The following NSD1 variants were observed in gnomAD, a reference collection of about 807,000 sequenced individuals.
NSD1 encodes nuclear receptor binding SET domain protein 1.
In NSD1, 26 loss-of-function variants were observed where a neutral mutation model predicts 242.7. That is an observed-to-expected ratio of 0.11 (90% CI 0.08 to 0.15). The LOEUF is 0.15. Among genes scored for constraint, NSD1 ranks in the 10% least tolerant of loss-of-function variants. The pLI, the probability that NSD1 is intolerant of heterozygous loss-of-function variation, is 1.00. For synonymous variants in NSD1, 1,106 were observed against 1,178.1 expected, an observed-to-expected ratio of 0.94 and a Z score of 1.25; for missense variants, 2,495 against 3,272.8, an observed-to-expected ratio of 0.76 and a Z score of 5.80.
intron 5 of NSD1, among the ~76,000 whole-genome samples, chr5:177,213,018 G>GC (rs1440308887): frequency 1.3e-5 from 2 of 152,110 alleles, no homozygotes; most frequent in African/African-American, 4.8e-5. Flanking sequence ...TGAAAAAACT[G>GC]CAAGTATTCT....
At chr5:177,258,728 G>T (rs1436814781) in intron 13 of NSD1, among the ~76,000 whole-genome samples, 1 of 151,956 alleles carries the variant, frequency 6.6e-6, no homozygotes, top group African/African-American at 2.4e-5. Context: ...TAGAGACAGG[G>T]TTTCATCATA....
chr5:177,287,116 G>A (rs959762090), intron 20 of NSD1, among the ~76,000 whole-genome samples: 3 of 152,162 alleles, frequency 2.0e-5, no homozygotes, highest in Non-Finnish European at 4.4e-5. Flanking sequence ...AATGATTGCT[G>A]CATATTGAAC....
chr5:177,211,994 G>T lies in NSD1; in HGVS notation c.3595G>T (p.Gly1199Trp). ...VLLPSDPVQE[G>W]RDEFPEHRTP... ...ACTTCCTAGTGACCCTGTGCAGGAG[G>T]GGCGGGATGAGTTTCCAGAGCATAG... The change falls in exon 5 of 23, where the codon GGG (glycine) becomes TGG (tryptophan). Residue 1199 changes from glycine to tryptophan, a missense_variant. Transcript: ENST00000439151. 1 of 1,613,614 alleles carries T rather than the reference G, an allele frequency of 6.2e-7. No individual in the cohort carries two copies. The highest frequency in any genetic ancestry group is 1.1e-5 in the South Asian group (1 of 91,074).
At chr5:177,148,177 GC>G (rs905312291) in intron 2 of NSD1, among the ~76,000 whole-genome samples, 1 of 151,550 alleles carries the variant, frequency 6.6e-6, no homozygotes, top group Non-Finnish European at 1.5e-5. Context: ...GAGTGCAATT[GC>G]GCGATCTTGG....
intron 17 of NSD1, among the ~76,000 whole-genome samples, chr5:177,278,508 G>T (rs1205189262): frequency 6.6e-6 from 1 of 152,168 alleles, no homozygotes; most frequent in Non-Finnish European, 1.5e-5. Context: ...ATAATAAAAT[G>T]CAAGAAATGA....
intron 5 of NSD1, among the ~76,000 whole-genome samples, chr5:177,212,864 A>C (rs1763469181): frequency 6.6e-6 from 1 of 152,042 alleles, no homozygotes; most frequent in South Asian, 2.1e-4. Flanking sequence ...CTGGTCTTGA[A>C]CTGAACTCAA....
Position 177,295,866 on chromosome 5 carries a change from G to A in NSD1, c.*407G>A, listed in dbSNP as rs140990285. ...ATTGAGGGCACCTAGGAACCCTTGGGAGGAAATGGTGTTCTTTCAAATCAG... is the reference window on the plus strand; with the variant it reads ...ATTGAGGGCACCTAGGAACCCTTGGAAGGAAATGGTGTTCTTTCAAATCAG... On this transcript the variant is annotated 3_prime_UTR_variant, in exon 23 of 23. Transcript: ENST00000439151. The surrounding 1 kb of genome is among the most constrained non-coding windows in gnomAD (Gnocchi z 4.3). The A allele has an allele frequency of 0.018, 7,129 of 388,968 alleles. 83 individuals are homozygous for A. The highest frequency in any genetic ancestry group is 0.024 in the Non-Finnish European group (5,092 of 209,186). 24.1% of individuals were successfully genotyped at this position (388,968 alleles called of 1,614,324 possible).
intron 21 of NSD1, among the ~76,000 whole-genome samples, chr5:177,289,796 C>G (rs1235969784): frequency 6.6e-6 from 1 of 150,622 alleles, no homozygotes; most frequent in Non-Finnish European, 1.5e-5. Context: ...ATTTCCATGT[C>G]TATATTCTCC....
rs1452820219 is a variant in NSD1, at chr5:177,269,137, T to G, written c.5304-465T>G. Among the ~76,000 whole-genome samples, 1 of 152,164 alleles carries G rather than the reference T, an allele frequency of 6.6e-6. No individual in the cohort carries two copies. Among genetic ancestry groups the G allele is most frequent in the African/African-American group, 2.4e-5 (1 of 41,426 alleles). ...TGATTTTGTTTGTATGTGTTTGTGT[T>G]TTGATTTCTTGGTGCTGTTCTCCCA... is the stretch of plus-strand genomic sequence containing the variant. On this transcript the variant is annotated intron_variant, in intron 15 of 22. Coordinates refer to ENST00000439151, the MANE Select transcript of NSD1 (RefSeq NM_022455.5). The surrounding 1 kb of genome is among the most constrained non-coding windows in gnomAD (Gnocchi z 5.1).
intron 17 of NSD1, among the ~76,000 whole-genome samples, chr5:177,278,910 A>C (rs1454483027): frequency 2.0e-5 from 3 of 152,214 alleles, no homozygotes; most frequent in African/African-American, 4.8e-5. Flanking sequence ...TGTTGCTAGT[A>C]TTTGTTAAAA....
chr5:177,233,781 A>G (rs1000459719), intron 5 of NSD1, among the ~76,000 whole-genome samples: 1 of 151,984 alleles, frequency 6.6e-6, no homozygotes, highest in Admixed American at 6.6e-5. Flanking sequence ...CCTCCTTGAA[A>G]ACTCTTCGGC....
chr5:177,262,345 T>C (rs1757059553), intron 14 of NSD1, among the ~76,000 whole-genome samples: 1 of 132,112 alleles, frequency 7.6e-6, no homozygotes, highest in African/African-American at 3.0e-5. Flanking sequence ...TGCATGCCTG[T>C]AGTCCCAGCT....
chr5:177,239,717 G>T (rs778395387), intron 7 of NSD1, 39 bp from the exon 8 acceptor site: 43 of 1,249,518 alleles, frequency 3.4e-5, no homozygotes, highest in Middle Eastern at 1.9e-4. Flanking sequence ...CTTGTGCCCA[G>T]TTTCTAAATC....
In NSD1 at chr5:177,248,172, C is replaced by T. The variant is rs1562255243; in HGVS notation, c.4498-9C>T. ...ATACAGATGTGGGACATTATTTTTTCTTTGCAAGGGAGAACTAATGCCTCA... is the reference window on the plus strand; with the variant it reads ...ATACAGATGTGGGACATTATTTTTTTTTTGCAAGGGAGAACTAATGCCTCA... On this transcript the variant is annotated splice_polypyrimidine_tract_variant and intron_variant, in intron 10 of 22. Coordinates refer to ENST00000439151, the MANE Select transcript of NSD1 (RefSeq NM_022455.5). 3.7e-6 allele frequency: 6 copies of T among 1,613,724 alleles called. No individual in the cohort carries two copies. In the Admixed American group the frequency reaches 8.3e-5, roughly 22 times the overall value.
At chr5:177,272,243 A>G (rs1758004971) in intron 16 of NSD1, among the ~76,000 whole-genome samples, 1 of 152,034 alleles carries the variant, frequency 6.6e-6, no homozygotes, top group African/African-American at 2.4e-5. Flanking sequence ...TTAAGGAGGT[A>G]GACTAGGACA....
At chr5:177,154,836 C>T (rs1757991347) in intron 2 of NSD1, among the ~76,000 whole-genome samples, 3 of 151,792 alleles carry the variant, frequency 2.0e-5, no homozygotes, top group Non-Finnish European at 4.4e-5. Context: ...GCTGGGATTA[C>T]AGTCGCCTGC....
intron 17 of NSD1, among the ~76,000 whole-genome samples, chr5:177,279,798 G>T (rs28403207): frequency 0.86 from 129,216 of 149,510 alleles, 56,325 homozygotes; most frequent in African/African-American, 0.92. Flanking sequence ...TTTGTATTTT[G>T]AGTAGAGACG....
At chr5:177,283,018 A>G (rs951191691) in intron 19 of NSD1, among the ~76,000 whole-genome samples, 3 of 152,134 alleles carry the variant, frequency 2.0e-5, no homozygotes, top group Non-Finnish European at 2.9e-5. Flanking sequence ...CAGTGGCATG[A>G]TCTCGGCTTG....
chr5:177,210,964 A>G lies in NSD1; in HGVS notation c.2565A>G (p.Ala855=), dbSNP rs759987384. 8.7e-6 allele frequency: 14 copies of G among 1,614,086 alleles called. No individual in the cohort carries two copies. The South Asian group carries it at 1.3e-4, about 15-fold the overall frequency. Residue 855 remains alanine (A), a synonymous_variant, in exon 5 of 23, where the codon GCA becomes GCG. Coordinates refer to ENST00000439151, the MANE Select transcript of NSD1 (RefSeq NM_022455.5). ...GGGATTCAAGTGACATAGAAACAGC[A>G]GTGGTGAAACATGTTTTATCCGAGT... ...KTRDSSDIET[A]VVKHVLSELK... is the part of the protein sequence containing the mutation.
Sources: allele counts gnomAD v4.1 joint callset (sites outside exome capture counted in the v4.1 genomes callset), GRCh38; gene constraint gnomAD v4.1.1; non-coding constraint Gnocchi (gnomAD v3.1); transcripts MANE v1.5; gene names NCBI Gene and HGNC (gene_info 2026-07-23, HGNC 2026-07-21).